DNAJC11: variants seen among roughly 807,000 people sequenced by gnomAD.
DNAJC11 encodes dnaJ homolog subfamily C member 11.
DNAJC11 carries 15 observed loss-of-function variants against 78.6 expected under a neutral mutation model. The ratio of observed to expected loss-of-function variants is 0.19; its 90% CI spans 0.13 to 0.29. The LOEUF (loss-of-function observed/expected upper bound fraction) is 0.29. Among genes scored for constraint, DNAJC11 ranks in the 10% least tolerant of loss-of-function variants. The pLI is 1.00. For synonymous variants in DNAJC11, 292 were observed against 272.1 expected, an observed-to-expected ratio of 1.07 and a Z score of -0.72; for missense variants, 547 against 709.6, an observed-to-expected ratio of 0.77 and a Z score of 2.60.
intron 7 of DNAJC11, among the ~76,000 whole-genome samples, chr1:6,646,938 T>C (rs1456152708): frequency 1.3e-5 from 2 of 151,774 alleles, no homozygotes; most frequent in Non-Finnish European, 2.9e-5. Flanking sequence ...GCAAATTGCT[T>C]CACCCCAGGA....
At chr1:6,689,709 G>A (rs1156653301) in intron 1 of DNAJC11, among the ~76,000 whole-genome samples, 3 of 152,050 alleles carry the variant, frequency 2.0e-5, no homozygotes, top group African/African-American at 7.2e-5. Flanking sequence ...CCAGGAGGCG[G>A]AGGTTGTGGT....
intron 6 of DNAJC11, among the ~76,000 whole-genome samples, chr1:6,652,471 C>T (rs1642070420): frequency 6.6e-6 from 1 of 152,084 alleles, no homozygotes; most frequent in Admixed American, 6.6e-5. Flanking sequence ...GCTCTTGTCC[C>T]CCAGACTGGA....
chr1:6,642,541 A>C (rs1276383962), intron 10 of DNAJC11, among the ~76,000 whole-genome samples: 1 of 152,166 alleles, frequency 6.6e-6, no homozygotes, highest in Non-Finnish European at 1.5e-5. Context: ...GCTCTCATTT[A>C]CTGAGATAGG....
chr1:6,664,579 T>A (rs889525999), intron 4 of DNAJC11, among the ~76,000 whole-genome samples: 2 of 152,164 alleles, frequency 1.3e-5, no homozygotes, highest in Non-Finnish European at 2.9e-5. Context: ...GTCCCACCAT[T>A]CCTGACCAAG....
At chr1:6,659,384 C>T (rs1570282834) in intron 4 of DNAJC11, among the ~76,000 whole-genome samples, 1 of 152,336 alleles carries the variant, frequency 6.6e-6, no homozygotes, top group East Asian at 1.9e-4. Flanking sequence ...CACTCTTCAC[C>T]AGATGGCCAC....
Position 6,644,546 on chromosome 1 carries a change from A to C in DNAJC11, c.1097+12T>G. ...GGCATTCCTTGACCCGAAAGGCCTAAGTTCAACTTACTTGACTTTGAGAGA... is the reference window on the plus strand; with the variant it reads ...GGCATTCCTTGACCCGAAAGGCCTACGTTCAACTTACTTGACTTTGAGAGA... On this transcript the variant is annotated intron_variant, in intron 10 of 15. Coordinates refer to ENST00000377577, the MANE Select transcript of DNAJC11 (RefSeq NM_018198.4). The C allele has an allele frequency of 9.4e-6, 15 of 1,597,560 alleles. No individual in the cohort carries two copies. Among genetic ancestry groups the C allele is most frequent in the Non-Finnish European group, 1.3e-5 (15 of 1,164,856 alleles).
intron 1 of DNAJC11, 76 bp from the exon 2 acceptor site, chr1:6,681,113 T>C: frequency 6.7e-7 from 1 of 1,483,062 alleles, no homozygotes; most frequent in Non-Finnish European, 9.2e-7. Context: ...AGCCTTGAAA[T>C]GGGAACCCAT....
At chr1:6,679,603 G>A (rs552337262) in intron 2 of DNAJC11, among the ~76,000 whole-genome samples, 51 of 152,216 alleles carry the variant, frequency 3.4e-4, no homozygotes, top group Middle Eastern at 3.4e-3. Context: ...CAAATCTAAC[G>A]GGAAAGGAAG....
At chr1:6,643,782 G>A (rs913058321) in intron 10 of DNAJC11, among the ~76,000 whole-genome samples, 12 of 152,274 alleles carry the variant, frequency 7.9e-5, no homozygotes, top group Admixed American at 5.2e-4. Flanking sequence ...GACATCAGGC[G>A]AGGCTGCTGG....
rs187356963 is a variant in DNAJC11 at position 6,640,607 on chromosome 1, G to A, written c.1098-550C>T. Among the ~76,000 whole-genome samples, 17 of 152,270 alleles carry A rather than the reference G, an allele frequency of 1.1e-4. No homozygotes were observed. In the East Asian group the frequency reaches 2.9e-3, roughly 26 times the overall value. On this transcript the variant is annotated intron_variant, in intron 10 of 15. Transcript: ENST00000377577. The stretch of plus-strand genomic sequence containing the variant: ...AGTACTTTGGGAGGCTGAGGTGGGC[G>A]AATCACCTGAGGTCAGGAATTTGAG...
chr1:6,686,986 C>T (rs1307389166), intron 1 of DNAJC11, among the ~76,000 whole-genome samples: 1 of 152,222 alleles, frequency 6.6e-6, no homozygotes, highest in South Asian at 2.1e-4. Flanking sequence ...ATTGAAGATT[C>T]ATTACTGTCC....
intron 1 of DNAJC11, among the ~76,000 whole-genome samples, chr1:6,683,900 T>C (rs1317542547): frequency 6.6e-6 from 1 of 152,212 alleles, no homozygotes; most frequent in East Asian, 1.9e-4. Flanking sequence ...CTTGCTGTAG[T>C]GTTTTGTTTT....
chr1:6,666,709 T>TAG (rs1642300329), intron 4 of DNAJC11, among the ~76,000 whole-genome samples: 1 of 152,184 alleles, frequency 6.6e-6, no homozygotes, highest in African/African-American at 2.4e-5. Context: ...GCCTATTCTA[T>TAG]TCCTTTACAA....
At chr1:6,652,771 A>C (rs1642074930) in intron 6 of DNAJC11, 58 bp downstream of exon 6, 1 of 1,608,196 alleles carries the variant, frequency 6.2e-7, no homozygotes, top group Non-Finnish European at 8.5e-7. Flanking sequence ...TGAGAGTGTA[A>C]ATGTTCAGAA....
Position 6,644,500 on chromosome 1 carries a change from C to G in DNAJC11, c.1097+58G>C, listed in dbSNP as rs527549220. The G allele has an allele frequency of 2.3e-5, 28 of 1,239,826 alleles. No individual in the cohort carries two copies. In the South Asian group the frequency reaches 3.1e-4, roughly 14 times the overall value. The allele number at this position is 1,239,826 out of a possible 1,614,324, so 76.8% of individuals were successfully genotyped here. A position where few individuals can be genotyped will look rare whatever the true frequency, so the allele number is the denominator to read the frequency against. ...TATTTCAGCCTTAACTTGGGTAAAG[C>G]CTGGTTGAGTGAAGGTGACAGGCAT... On this transcript the variant is annotated intron_variant, in intron 10 of 15. Coordinates refer to ENST00000377577, the MANE Select transcript of DNAJC11 (RefSeq NM_018198.4).
chr1:6,695,627 T>TAAAAAAAAAAAAAAA (rs70984004), intron 1 of DNAJC11, among the ~76,000 whole-genome samples: 2 of 83,010 alleles, frequency 2.4e-5, no homozygotes, highest in African/African-American at 4.4e-5. Flanking sequence ...CTATCTCTAC[T>TAAAAAAAAAAAAAAA]AAAAAAAAAA....
intron 1 of DNAJC11, among the ~76,000 whole-genome samples, chr1:6,693,754 A>G (rs1479054513): frequency 2.0e-5 from 3 of 151,540 alleles, no homozygotes; most frequent in Non-Finnish European, 4.4e-5. Flanking sequence ...CGCCCAGCCT[A>G]GAGTGTGGTG....
In DNAJC11 at chr1:6,658,337, G is replaced by T. The variant is rs887592505; in HGVS notation, c.379-4298C>A. Among the ~76,000 whole-genome samples the T allele has an allele frequency of 3.3e-5, 5 of 152,184 alleles. No individual in the cohort carries two copies. The South Asian group carries it at 6.2e-4, about 19-fold the overall frequency. The stretch of plus-strand genomic sequence containing the variant: ...ATGAGACAATTACTAATAACACAGA[G>T]GAAAAAGTGTTAAGAAAGGCTAGGT... On this transcript the variant is annotated intron_variant, in intron 4 of 15. Coordinates refer to ENST00000377577, the MANE Select transcript of DNAJC11 (RefSeq NM_018198.4).
chr1:6,681,759 A>G (rs561580330), intron 1 of DNAJC11, among the ~76,000 whole-genome samples: 91 of 152,282 alleles, frequency 6.0e-4, no homozygotes, highest in African/African-American at 2.2e-3. Context: ...CCTGCCTCAC[A>G]GCCACCAAGA....
Sources: gnomAD v4.1 joint callset for allele counts (sites outside exome capture counted in the v4.1 genomes callset) on GRCh38, gnomAD v4.1.1 for gene constraint, MANE v1.5 for transcripts, NCBI Gene and HGNC (gene_info 2026-07-23, HGNC 2026-07-21) for gene names.